BRIP1: variants seen among roughly 807,000 people sequenced by gnomAD.
The protein encoded by BRIP1 is BRCA1 interacting DNA helicase 1.
BRIP1 carries 88 observed loss-of-function variants against 119.7 expected under a neutral mutation model. The observed-to-expected ratio is 0.74, with a 90% CI of 0.62 to 0.88. The LOEUF (loss-of-function observed/expected upper bound fraction) is 0.88. BRIP1 is among the 40% of genes least tolerant of loss of function. BRIP1 has a pLI of 0.00. For missense variants in BRIP1, 1,259 were observed against 1,455.4 expected, an observed-to-expected ratio of 0.87 and a Z score of 2.20; for synonymous variants, 443 against 496.5, an observed-to-expected ratio of 0.89 and a Z score of 1.43.
Position 61,853,569 on chromosome 17 carries a change from G to C in BRIP1, c.379+3489C>G, listed in dbSNP as rs1051878111. 1.3e-5 allele frequency among the ~76,000 whole-genome samples: 2 copies of C among 152,124 alleles called. No individual in the cohort carries two copies. Among genetic ancestry groups the C allele is most frequent in the Non-Finnish European group, 2.9e-5 (2 of 68,010 alleles). On this transcript the variant is annotated intron_variant, in intron 4 of 19. Coordinates refer to ENST00000259008, the MANE Select transcript of BRIP1 (RefSeq NM_032043.3). The surrounding 1 kb of genome is among the most constrained non-coding windows in gnomAD (Gnocchi z 4.3). ...CTATTCTAAATAACACTGACTCACA[G>C]TAATGTCAAAATCAAGTTGTGTACA...
chr17:61,846,474 C>T lies in BRIP1; in HGVS notation c.627+627G>A, dbSNP rs528793966. Among the ~76,000 whole-genome samples, 2 of 151,986 alleles carry T rather than the reference C, an allele frequency of 1.3e-5. No homozygotes were observed. The highest frequency in any genetic ancestry group is 3.9e-4 in the East Asian group (2 of 5,152). ...GCAATCTTGGCTCAGTGCACCTTTG[C>T]CTCCTGGGCTCAAGCCATCCTCCCA... On this transcript the variant is annotated intron_variant, in intron 6 of 19. Transcript: ENST00000259008. This position sits in a 1 kb window ranked among gnomAD's most constrained non-coding sequence, Gnocchi z 4.3.
Position 61,686,135 on chromosome 17 carries a change from T to C in BRIP1, c.2606A>G (p.Gln869Arg), listed in dbSNP as rs1060501733. 3.7e-6 allele frequency: 6 copies of C among 1,613,990 alleles called. No homozygotes were observed. Among genetic ancestry groups the C allele is most frequent in the Non-Finnish European group, 4.2e-6 (5 of 1,179,970 alleles). Reference protein sequence around the residue: ...GLSKWVRQQIQHHSTFESALE... With the variant: ...GLSKWVRQQIRHHSTFESALE... ...TGCACTTTCAAAGGTTGAATGGTGCTGAATCTGCTGCCGTACCCATTTAGA... is the reference window on the plus strand; with the variant it reads ...TGCACTTTCAAAGGTTGAATGGTGCCGAATCTGCTGCCGTACCCATTTAGA... Residue 869 changes from glutamine (Q) to arginine (R), a missense_variant, in exon 19 of 20, where the codon CAG becomes CGG. Physicochemically the swap from Gln to Arg is conservative, Grantham distance 43 (BLOSUM62 1). Around this residue, in one of 3 missense-constraint regions of BRIP1, gnomAD observed 753 missense variants for 891.8 expected, o/e 0.84. Transcript: ENST00000259008. This position sits in a 1 kb window ranked among gnomAD's most constrained non-coding sequence, Gnocchi z 5.4.
In BRIP1 at chr17:61,695,351, T is replaced by C. The variant is rs1279689963; in HGVS notation, c.2493-1839A>G. On this transcript the variant is annotated intron_variant, in intron 17 of 19. Coordinates refer to ENST00000259008, the MANE Select transcript of BRIP1 (RefSeq NM_032043.3). The surrounding 1 kb of genome is among the most constrained non-coding windows in gnomAD (Gnocchi z 4.3). ...AATTCTACCCATTGATCTATACATCTGTCTTTATGCCAGTACAACATAGTC... is the reference window on the plus strand; with the variant it reads ...AATTCTACCCATTGATCTATACATCCGTCTTTATGCCAGTACAACATAGTC... Among the ~76,000 whole-genome samples, 1 of 152,132 alleles carries C rather than the reference T, an allele frequency of 6.6e-6. No homozygotes were observed.
chr17:61,727,986 G>A (rs1343671609), intron 16 of BRIP1, among the ~76,000 whole-genome samples: 1 of 151,594 alleles, frequency 6.6e-6, no homozygotes, highest in East Asian at 1.9e-4. Flanking sequence ...GTGCTATGAC[G>A]CCCGGCTAAT....
At chr17:61,707,828 A>G (rs574559352) in intron 17 of BRIP1, among the ~76,000 whole-genome samples, 1 of 151,824 alleles carries the variant, frequency 6.6e-6, no homozygotes, top group East Asian at 1.9e-4. Context: ...ACAGCCTCCA[A>G]TGTGTAGGAA....
In BRIP1 at chr17:61,807,706, C is replaced by G. The variant is rs912327509; in HGVS notation, c.918+761G>C. ...AAATATATTAAAATATCATTGGTCACTTCATAGTAATCAATTTATGGTTCA... is the reference window on the plus strand; with the variant it reads ...AAATATATTAAAATATCATTGGTCAGTTCATAGTAATCAATTTATGGTTCA... On this transcript the variant is annotated intron_variant, in intron 7 of 19. Transcript: ENST00000259008. The surrounding 1 kb of genome is among the most constrained non-coding windows in gnomAD (Gnocchi z 4.5). Among the ~76,000 whole-genome samples, 1 of 152,042 alleles carries G rather than the reference C, an allele frequency of 6.6e-6. No homozygotes were observed. Among genetic ancestry groups the G allele is most frequent in the African/African-American group, 2.4e-5 (1 of 41,414 alleles).
chr17:61,854,670 G>GCA (rs113152915), intron 4 of BRIP1, among the ~76,000 whole-genome samples: 15,616 of 138,570 alleles, frequency 0.11, 2,883 homozygotes, highest in African/African-American at 0.39. Context: ...TTGCGCCACT[G>GCA]CACTCCAGCC....
intron 10 of BRIP1, among the ~76,000 whole-genome samples, chr17:61,790,051 A>C (rs1016565687): frequency 3.9e-5 from 6 of 152,212 alleles, no homozygotes; most frequent in African/African-American, 1.4e-4. Flanking sequence ...CCTGACCAGG[A>C]TACAAAACAT....
chr17:61,703,234 T>C lies in BRIP1; in HGVS notation c.2493-9722A>G, dbSNP rs1054879893. ...GTGCGCCACAACACCCACCTAATTT[T>C]TGTATTTTTAGTAGAGATGGGGTTT... On this transcript the variant is annotated intron_variant, in intron 17 of 19. Coordinates refer to ENST00000259008, the MANE Select transcript of BRIP1 (RefSeq NM_032043.3). The surrounding 1 kb of genome is among the most constrained non-coding windows in gnomAD (Gnocchi z 5.0). 6.6e-6 allele frequency among the ~76,000 whole-genome samples: 1 copy of C among 152,128 alleles called. No individual in the cohort carries two copies. The highest frequency in any genetic ancestry group is 6.5e-5 in the Admixed American group (1 of 15,272).
rs753664225 is a variant in BRIP1 at position 61,684,041 on chromosome 17, C to T, written c.3005G>A (p.Trp1002Ter). ...TFNKQTKRVS[W>*]SSFNSLGQYF... ...CTGTCCCAAAGAATTAAAGCTTGACCAGCTAACTCTCTTTGTTTGTTTGTT... is the reference window on the plus strand; with the variant it reads ...CTGTCCCAAAGAATTAAAGCTTGACTAGCTAACTCTCTTTGTTTGTTTGTT... Residue 1002 changes from tryptophan to a stop codon, truncating the protein, a stop_gained, in exon 20 of 20, where the codon TGG becomes TAG. Coordinates refer to ENST00000259008, the MANE Select transcript of BRIP1 (RefSeq NM_032043.3). LOFTEE classifies it low-confidence loss of function (END_TRUNC). The surrounding 1 kb of genome is among the most constrained non-coding windows in gnomAD (Gnocchi z 4.5). The T allele has an allele frequency of 6.2e-7, 1 of 1,613,868 alleles. No individual in the cohort carries two copies. Among genetic ancestry groups the T allele is most frequent in the Admixed American group, 1.7e-5 (1 of 59,950 alleles).
rs2077901588 is a variant in BRIP1, at chr17:61,796,494, C to G, written c.1340+2606G>C. 6.6e-6 allele frequency among the ~76,000 whole-genome samples: 1 copy of G among 151,974 alleles called. No homozygotes were observed. Among genetic ancestry groups the G allele is most frequent in the African/African-American group, 2.4e-5 (1 of 41,412 alleles). On this transcript the variant is annotated intron_variant, in intron 9 of 19. Transcript: ENST00000259008. This position sits in a 1 kb window ranked among gnomAD's most constrained non-coding sequence, Gnocchi z 4.8. ...AGATGGATATCCAGTTTTCCCGGCA[C>G]CATTTATTGAAGAGACTGTCTTTCC...
rs2078069149 is a variant in BRIP1 at position 61,806,057 on chromosome 17, G to A, written c.918+2410C>T. Among the ~76,000 whole-genome samples the A allele has an allele frequency of 6.6e-6, 1 of 152,154 alleles. No homozygotes were observed. The highest frequency in any genetic ancestry group is 2.1e-4 in the South Asian group (1 of 4,832). On this transcript the variant is annotated intron_variant, in intron 7 of 19. Coordinates refer to ENST00000259008, the MANE Select transcript of BRIP1 (RefSeq NM_032043.3). This position sits in a 1 kb window ranked among gnomAD's most constrained non-coding sequence, Gnocchi z 4.9. ...AGAAACAATGAACAAAAACACATGT[G>A]CCTTGGATCAAGCCAAAAAATCAGA...
In BRIP1 at chr17:61,856,949, G is replaced by T; in HGVS notation, c.379+109C>A. On this transcript the variant is annotated intron_variant, in intron 4 of 19. Transcript: ENST00000259008. This position sits in a 1 kb window ranked among gnomAD's most constrained non-coding sequence, Gnocchi z 5.1. ...AATCATTCCAGAGAAACTAGATAGA[G>T]ATATATAATCAGTTATGCTAACCAA... 9.5e-7 allele frequency: 1 copy of T among 1,049,260 alleles called. No homozygotes were observed. Among genetic ancestry groups the T allele is most frequent in the Non-Finnish European group, 1.5e-6 (1 of 674,828 alleles). The allele number at this position is 1,049,260 out of a possible 1,614,324, so 65.0% of individuals were successfully genotyped here. A position where few individuals can be genotyped will look rare whatever the true frequency, so the allele number is the denominator to read the frequency against.
intron 17 of BRIP1, among the ~76,000 whole-genome samples, chr17:61,696,562 G>A (rs1262265259): frequency 2.6e-5 from 4 of 151,958 alleles, no homozygotes; most frequent in African/African-American, 4.8e-5. Flanking sequence ...GAATTCACCA[G>A]TGAAGCCATT....
Position 61,755,474 on chromosome 17 carries a change from G to A in BRIP1, c.2098-10883C>T, listed in dbSNP as rs757691123. On this transcript the variant is annotated intron_variant, in intron 14 of 19. Coordinates refer to ENST00000259008, the MANE Select transcript of BRIP1 (RefSeq NM_032043.3). This position sits in a 1 kb window ranked among gnomAD's most constrained non-coding sequence, Gnocchi z 4.5. ...CTCAGGAGGCTGAGGTGGGAGGACTGCTTGAGCCCTGGAGGTTGAGGCTGC... is the reference window on the plus strand; with the variant it reads ...CTCAGGAGGCTGAGGTGGGAGGACTACTTGAGCCCTGGAGGTTGAGGCTGC... Among the ~76,000 whole-genome samples the A allele has an allele frequency of 1.3e-5, 2 of 152,162 alleles. No homozygotes were observed. The highest frequency in any genetic ancestry group is 2.9e-5 in the Non-Finnish European group (2 of 68,026).
chr17:61,711,800 A>G lies in BRIP1; in HGVS notation c.2492+4151T>C, dbSNP rs571747863. Among the ~76,000 whole-genome samples, 9 of 152,084 alleles carry G rather than the reference A, an allele frequency of 5.9e-5. No homozygotes were observed. In the South Asian group the frequency reaches 1.9e-3, roughly 32 times the overall value. On this transcript the variant is annotated intron_variant, in intron 17 of 19. Coordinates refer to ENST00000259008, the MANE Select transcript of BRIP1 (RefSeq NM_032043.3). ...GGAGAATCGCTTGAACCTGGGAGGT[A>G]GAGGTTGCAGTGAACTGAGATCGCA...
In BRIP1 at chr17:61,789,981, A is replaced by G. The variant is rs2077790926; in HGVS notation, c.1473+3616T>C. Among the ~76,000 whole-genome samples, 1 of 152,102 alleles carries G rather than the reference A, an allele frequency of 6.6e-6. No individual in the cohort carries two copies. On this transcript the variant is annotated intron_variant, in intron 10 of 19. Coordinates refer to ENST00000259008, the MANE Select transcript of BRIP1 (RefSeq NM_032043.3). The surrounding 1 kb of genome is among the most constrained non-coding windows in gnomAD (Gnocchi z 4.8). ...AACTGACATGTAACATATACAGTAGAATGAACTAATCTTACATGTACACCT... is the reference window on the plus strand; with the variant it reads ...AACTGACATGTAACATATACAGTAGGATGAACTAATCTTACATGTACACCT...
rs2077986700 is a variant in BRIP1, at chr17:61,801,277, A to G, written c.1116T>C (p.Leu372=). ...ADIIFCPYNY[L]LDAQIRESMD... ...CACTTTCCCTTATTTGTGCATCTAG[A>G]AGATAGTTGTAGGGACAAAATATGA... Residue 372 remains leucine, a synonymous_variant, in exon 8 of 20, where the codon CTT becomes CTC. Coordinates refer to ENST00000259008, the MANE Select transcript of BRIP1 (RefSeq NM_032043.3). The G allele has an allele frequency of 6.2e-7, 1 of 1,613,706 alleles. No individual in the cohort carries two copies. The highest frequency in any genetic ancestry group is 2.2e-5 in the East Asian group (1 of 44,874).
chr17:61,840,391 A>G (rs2078641652), intron 6 of BRIP1, among the ~76,000 whole-genome samples: 1 of 150,868 alleles, frequency 6.6e-6, no homozygotes, highest in Non-Finnish European at 1.5e-5. Context: ...GGAATTTTCT[A>G]CTAAACTCTA....
Sources: gnomAD v4.1 joint callset for allele counts (sites outside exome capture counted in the v4.1 genomes callset) on GRCh38, gnomAD v4.1.1 for gene constraint, gnomAD v4.1.1 regional missense constraint, Gnocchi (gnomAD v3.1) non-coding constraint, MANE v1.5 for transcripts, NCBI Gene and HGNC (gene_info 2026-07-23, HGNC 2026-07-21) for gene names.